KLF12: variants seen among roughly 807,000 people sequenced by gnomAD.
KLF12 encodes the protein KLF transcription factor 12.
Under a neutral mutation model 37.8 loss-of-function variants are expected in KLF12, and 9 were observed. The observed-to-expected ratio is 0.24, with a 90% confidence interval of 0.14 to 0.42. The LOEUF (loss-of-function observed/expected upper bound fraction) is 0.42. KLF12 is among the 10% of genes least tolerant of loss of function. The probability of loss-of-function intolerance (pLI) is 1.00; values close to 1 mark genes in which losing one functional copy is unlikely to be tolerated. For missense variants in KLF12, 411 were observed against 516.0 expected, an observed-to-expected ratio of 0.80 and a Z score of 1.97; for synonymous variants, 208 against 202.1, an observed-to-expected ratio of 1.03 and a Z score of -0.25.
intron 1 of KLF12, among the ~76,000 whole-genome samples, chr13:74,053,519 G>T (rs963760460): frequency 6.6e-6 from 1 of 152,088 alleles, no homozygotes; most frequent in Non-Finnish European, 1.5e-5. Context: ...GGAAACTAAA[G>T]TATAGAGAAG....
intron 1 of KLF12, among the ~76,000 whole-genome samples, chr13:74,129,806 G>A (rs1878163244): frequency 6.6e-6 from 1 of 152,078 alleles, no homozygotes; most frequent in Non-Finnish European, 1.5e-5. Flanking sequence ...TACTCAAGTA[G>A]CCACTTTATG....
intron 1 of KLF12, among the ~76,000 whole-genome samples, chr13:74,118,467 A>G (rs1030301578): frequency 6.6e-6 from 1 of 152,202 alleles, no homozygotes; most frequent in Non-Finnish European, 1.5e-5. Flanking sequence ...TAAGTGCTTT[A>G]TTAGTTATGT....
chr13:74,245,339 A>G, the KLF12 span, among the ~76,000 whole-genome samples: 6 of 145,714 alleles, frequency 4.1e-5, no homozygotes, highest in African/African-American at 1.5e-4. Context: ...CTATCTATCT[A>G]TCATCTACAA....
At chr13:74,082,187 G>A (rs1045981544) in intron 1 of KLF12, among the ~76,000 whole-genome samples, 1 of 73,250 alleles carries the variant, frequency 1.4e-5, no homozygotes, top group African/African-American at 5.1e-5. Flanking sequence ...AACAAAGTTA[G>A]CCAGGTGTGG....
intron 2 of KLF12, among the ~76,000 whole-genome samples, chr13:73,954,388 T>C (rs940660476): frequency 6.6e-5 from 10 of 152,336 alleles, no homozygotes; most frequent in Middle Eastern, 6.8e-3. Flanking sequence ...TCTGAAAACC[T>C]TGAGCATGGT....
At chr13:74,262,005 G>GA in the KLF12 span, among the ~76,000 whole-genome samples, 1 of 152,174 alleles carries the variant, frequency 6.6e-6, no homozygotes, top group Non-Finnish European at 1.5e-5. Flanking sequence ...GTGCTCCTCA[G>GA]TGTGTGTGGC....
chr13:73,914,540 C>A (rs1190420200), intron 3 of KLF12, among the ~76,000 whole-genome samples: 1 of 152,154 alleles, frequency 6.6e-6, no homozygotes, highest in East Asian at 1.9e-4. Context: ...AAAACAAATT[C>A]TCTGGCTGGC....
At chr13:73,930,852 C>T (rs1889634510) in intron 3 of KLF12, among the ~76,000 whole-genome samples, 1 of 143,636 alleles carries the variant, frequency 7.0e-6, no homozygotes, top group Non-Finnish European at 1.5e-5. Context: ...ATGTGAATAA[C>T]TGGAAACATT....
intron 1 of KLF12, among the ~76,000 whole-genome samples, chr13:74,025,308 T>G (rs1187491263): frequency 6.7e-6 from 1 of 148,360 alleles, no homozygotes; most frequent in East Asian, 2.0e-4. Flanking sequence ...GATTAAACCA[T>G]AATTCTACAA....
rs1445793873 is a variant in KLF12 at position 73,694,395 on chromosome 13, G to T, written c.*1095C>A. 1 of 152,622 alleles carries T rather than the reference G, an allele frequency of 6.6e-6. No individual in the cohort carries two copies. The highest frequency in any genetic ancestry group is 1.5e-5 in the Non-Finnish European group (1 of 68,032). 9.5% of individuals were successfully genotyped at this position (152,622 alleles called of 1,614,324 possible). ...GAACCAAGACACCTAAAATGCTGGGGTGTTTTTTACAATCCCTTTAGTAAG... is the reference window on the plus strand; with the variant it reads ...GAACCAAGACACCTAAAATGCTGGGTTGTTTTTTACAATCCCTTTAGTAAG... On this transcript the variant is annotated 3_prime_UTR_variant, in exon 8 of 8. Coordinates refer to ENST00000377669, the MANE Select transcript of KLF12 (RefSeq NM_007249.5).
chr13:73,702,008 G>A (rs984143155), intron 7 of KLF12, among the ~76,000 whole-genome samples: 1 of 151,664 alleles, frequency 6.6e-6, no homozygotes, highest in African/African-American at 2.4e-5. Flanking sequence ...TAAAAAAGAC[G>A]ACATACCACA....
intron 5 of KLF12, among the ~76,000 whole-genome samples, chr13:73,786,847 C>T (rs1881386772): frequency 6.6e-6 from 1 of 151,932 alleles, no homozygotes; most frequent in African/African-American, 2.4e-5. Context: ...AATGCTTGAG[C>T]CCAGGAGGTC....
intron 3 of KLF12, among the ~76,000 whole-genome samples, chr13:73,910,686 C>G (rs1463290612): frequency 6.6e-6 from 1 of 152,098 alleles, no homozygotes; most frequent in Non-Finnish European, 1.5e-5. Flanking sequence ...TAATAATGCA[C>G]TGAATATTAC....
At chr13:73,954,710 T>C (rs954510364) in intron 2 of KLF12, among the ~76,000 whole-genome samples, 4 of 152,246 alleles carry the variant, frequency 2.6e-5, no homozygotes, top group Non-Finnish European at 4.4e-5. Flanking sequence ...TGCATTTCTA[T>C]GGCCAAATGC....
the KLF12 span, among the ~76,000 whole-genome samples, chr13:74,237,903 C>T: frequency 6.6e-6 from 1 of 151,978 alleles, no homozygotes; most frequent in Non-Finnish European, 1.5e-5. Flanking sequence ...AATTTGACTT[C>T]CTCTTTTCCT....
chr13:73,687,405 T>C lies in KLF12; in HGVS notation c.*8085A>G, dbSNP rs919287761. ...AACAAATCGTGGACAGACACGTTGA[T>C]AGGAAAGAGCCTTGAATATAGGCAC... On this transcript the variant is annotated 3_prime_UTR_variant, in exon 8 of 8. Coordinates refer to ENST00000377669, the MANE Select transcript of KLF12 (RefSeq NM_007249.5). The C allele has an allele frequency of 6.6e-6, 1 of 152,528 alleles. No individual in the cohort carries two copies. Among genetic ancestry groups the C allele is most frequent in the African/African-American group, 2.4e-5 (1 of 41,458 alleles). 9.4% of individuals were successfully genotyped at this position (152,528 alleles called of 1,614,324 possible).
At chr13:73,880,582 G>C (rs1401701140) in intron 3 of KLF12, among the ~76,000 whole-genome samples, 1 of 152,100 alleles carries the variant, frequency 6.6e-6, no homozygotes, top group African/African-American at 2.4e-5. Context: ...TCAACCATTC[G>C]CTTCCTAATT....
intron 1 of KLF12, among the ~76,000 whole-genome samples, chr13:74,004,536 CT>C (rs1277301383): frequency 6.6e-6 from 1 of 152,096 alleles, no homozygotes; most frequent in Non-Finnish European, 1.5e-5. Context: ...CTTGGTATAA[CT>C]TCATCATGCA....
chr13:73,899,048 AG>A (rs1044507017), intron 3 of KLF12, among the ~76,000 whole-genome samples: 1 of 152,212 alleles, frequency 6.6e-6, no homozygotes, highest in African/African-American at 2.4e-5. Flanking sequence ...GGTAAACAAA[AG>A]TCATGCCATC....
Sources: allele counts gnomAD v4.1 joint callset (sites outside exome capture counted in the v4.1 genomes callset), GRCh38; gene constraint gnomAD v4.1.1; transcripts MANE v1.5; gene names NCBI Gene and HGNC (gene_info 2026-07-23, HGNC 2026-07-21).